Variants in CFAP206 observed in about 807,000 individuals in gnomAD.
The protein encoded by CFAP206 is cilia and flagella associated protein 206.
A neutral mutation model predicts 65.4 loss-of-function variants in CFAP206; 53 were observed. That is an observed-to-expected ratio of 0.81 (90% CI 0.65 to 1.02). The LOEUF (loss-of-function observed/expected upper bound fraction) is 1.02. Ranked by LOEUF, CFAP206 falls within the 50% of genes least tolerant of loss-of-function variation. The probability of loss-of-function intolerance (pLI) is 0.00; values close to 1 mark genes in which losing one functional copy is unlikely to be tolerated. For synonymous variants in CFAP206, 250 were observed against 254.4 expected (o/e 0.98, Z 0.17); for missense variants, 663 against 753.2 (o/e 0.88, Z 1.40).
chr6:87,423,929 T>C (rs903023077), intron 7 of CFAP206, among the ~76,000 whole-genome samples: 1 of 152,230 alleles, frequency 6.6e-6, no homozygotes, highest in Non-Finnish European at 1.5e-5. Context: ...GTAATTATTT[T>C]TGTCATTTAA....
Position 87,464,370 on chromosome 6 carries a change from C to CT in CFAP206, c.*121dup. ...GGTGGCACATTCATTGGTTGTGTGA[C>CT]TGTTTATTGGGTTCCCATATTTTAT... On this transcript the variant is annotated 3_prime_UTR_variant, in exon 13 of 13. Transcript: ENST00000369562. 3.2e-6 allele frequency: 2 copies of CT among 634,204 alleles called. No individual in the cohort carries two copies. The highest frequency in any genetic ancestry group is 3.6e-5 in the South Asian group (1 of 27,862). The allele number at this position is 634,204 out of a possible 1,614,324, so 39.3% of individuals were successfully genotyped here.
At chr6:87,436,396 T>C (rs1768268772) in intron 11 of CFAP206, among the ~76,000 whole-genome samples, 1 of 152,094 alleles carries the variant, frequency 6.6e-6, no homozygotes, top group Non-Finnish European at 1.5e-5. Context: ...TTGTTTGCTA[T>C]TTTTATCAAC....
At chr6:87,420,323 A>G (rs572111560) in intron 7 of CFAP206, among the ~76,000 whole-genome samples, 1 of 152,350 alleles carries the variant, frequency 6.6e-6, no homozygotes, top group South Asian at 2.1e-4. Flanking sequence ...CACAACTGTA[A>G]GGATGTTGCA....
intron 8 of CFAP206, among the ~76,000 whole-genome samples, chr6:87,427,038 T>TAA (rs1768054804): frequency 6.6e-6 from 1 of 152,242 alleles, no homozygotes; most frequent in Non-Finnish European, 1.5e-5. Flanking sequence ...GGCCTGCACT[T>TAA]ACATTGAGTT....
At chr6:87,460,652 A>G (rs919298982) in intron 11 of CFAP206, among the ~76,000 whole-genome samples, 1 of 152,050 alleles carries the variant, frequency 6.6e-6, no homozygotes, top group Non-Finnish European at 1.5e-5. Context: ...AGGGGGGCAT[A>G]GGCTGAAAAA....
intron 11 of CFAP206, among the ~76,000 whole-genome samples, chr6:87,457,453 T>G (rs1470093136): frequency 6.6e-6 from 1 of 152,172 alleles, no homozygotes; most frequent in Non-Finnish European, 1.5e-5. Flanking sequence ...AGCATGGTAC[T>G]GGCATAAAAA....
At chr6:87,429,134 G>A (rs1000099270) in intron 9 of CFAP206, among the ~76,000 whole-genome samples, 1 of 151,876 alleles carries the variant, frequency 6.6e-6, no homozygotes, top group Non-Finnish European at 1.5e-5. Context: ...GCTAAGGCAG[G>A]AGAATCACTT....
At chr6:87,427,329 C>A (rs1405793181) in intron 8 of CFAP206, among the ~76,000 whole-genome samples, 3 of 152,028 alleles carry the variant, frequency 2.0e-5, no homozygotes, top group African/African-American at 7.2e-5. Flanking sequence ...TTAGTAGGGA[C>A]AGGATTTCAC....
chr6:87,444,624 A>T (rs934754476), intron 11 of CFAP206: 9 of 303,630 alleles, frequency 3.0e-5, no homozygotes, highest in Non-Finnish European at 5.1e-5. Flanking sequence ...AGGCCTTCCC[A>T]CAGGAAAGCC....
intron 12 of CFAP206, 70 bp downstream of exon 12, chr6:87,461,235 G>A: frequency 9.7e-7 from 1 of 1,030,588 alleles, no homozygotes; most frequent in Non-Finnish European, 1.3e-6. Flanking sequence ...TCATAGAGTT[G>A]GTAAATTAAA....
intron 7 of CFAP206, chr6:87,426,217 T>C (rs1487311218): frequency 6.4e-6 from 1 of 157,078 alleles, no homozygotes; most frequent in Non-Finnish European, 1.4e-5. Context: ...ATAACAGCTA[T>C]ACAAAAACGG....
chr6:87,434,301 C>T (rs923254585), intron 10 of CFAP206, among the ~76,000 whole-genome samples: 2 of 151,760 alleles, frequency 1.3e-5, no homozygotes, highest in Non-Finnish European at 2.9e-5. Flanking sequence ...GAGGGTAAGG[C>T]AGGAGGATCT....
chr6:87,447,951 T>TTTATTATTA (rs71018018), intron 11 of CFAP206, among the ~76,000 whole-genome samples: 35 of 146,908 alleles, frequency 2.4e-4, no homozygotes, highest in South Asian at 4.3e-4. Flanking sequence ...CTAGATTTTC[T>TTTATTATTA]TTATTATTAT....
chr6:87,455,849 G>A (rs1379066625), intron 11 of CFAP206, among the ~76,000 whole-genome samples: 1 of 152,182 alleles, frequency 6.6e-6, no homozygotes, highest in East Asian at 1.9e-4. Flanking sequence ...CAAGTAAGGA[G>A]ATGAAACCCT....
At chr6:87,423,119 ATC>A (rs1483105868) in intron 7 of CFAP206, among the ~76,000 whole-genome samples, 1 of 151,888 alleles carries the variant, frequency 6.6e-6, no homozygotes, top group East Asian at 1.9e-4. Flanking sequence ...GGGTTTCACC[ATC>A]TTGGCCAGCC....
intron 5 of CFAP206, 108 bp downstream of exon 5, chr6:87,415,982 T>TTA: frequency 1.3e-6 from 1 of 792,566 alleles, no homozygotes; most frequent in Non-Finnish European, 1.7e-6. Context: ...CCTTTTTATC[T>TTA]GAAAAAAAAA....
chr6:87,456,089 C>T (rs1440393196), intron 11 of CFAP206, among the ~76,000 whole-genome samples: 2 of 152,126 alleles, frequency 1.3e-5, no homozygotes. Flanking sequence ...TGCTGGTGAA[C>T]ATTGATGTGA....
chr6:87,414,987 A>T (rs1456937207), intron 4 of CFAP206, among the ~76,000 whole-genome samples: 1 of 152,096 alleles, frequency 6.6e-6, no homozygotes, highest in Non-Finnish European at 1.5e-5. Flanking sequence ...TGCGTGGTGG[A>T]TATGTTAATT....
intron 4 of CFAP206, 76 bp downstream of exon 4, chr6:87,413,976 A>G: frequency 1.5e-6 from 1 of 653,812 alleles, no homozygotes; most frequent in Non-Finnish European, 2.4e-6. Context: ...CATTTGGTTG[A>G]CAATGAATTT....
Sources: allele counts gnomAD v4.1 joint callset (sites outside exome capture counted in the v4.1 genomes callset), GRCh38; gene constraint gnomAD v4.1.1; transcripts MANE v1.5; gene names NCBI Gene and HGNC (gene_info 2026-07-23, HGNC 2026-07-21).